The following GREB1 variants were observed in gnomAD, a reference collection of about 807,000 sequenced individuals.
GREB1 encodes growth regulating estrogen receptor binding 1, also known as protein GREB1.
GREB1 carries 106 observed loss-of-function variants against 200.7 expected under a neutral mutation model. The observed-to-expected ratio is 0.53, with a 90% CI of 0.45 to 0.62. The LOEUF is 0.62. GREB1 is among the 20% of genes least tolerant of loss of function. GREB1 has a pLI of 0.00. For missense variants in GREB1, 2,243 were observed against 2,556.8 expected, an observed-to-expected ratio of 0.88 and a Z score of 2.65; for synonymous variants, 1,132 against 1,092.4, an observed-to-expected ratio of 1.04 and a Z score of -0.72.
intron 30 of GREB1, among the ~76,000 whole-genome samples, chr2:11,636,038 C>T (rs1475675221): frequency 6.6e-6 from 1 of 152,214 alleles, no homozygotes; most frequent in Non-Finnish European, 1.5e-5. Context: ...GGCTCTATCC[C>T]TCCTTGTCTC....
chr2:11,570,309 T>A (rs1357220925), intron 4 of GREB1, among the ~76,000 whole-genome samples: 2 of 151,188 alleles, frequency 1.3e-5, no homozygotes. Flanking sequence ...CTCGGGAGGC[T>A]GAGACAGGAA....
chr2:11,485,628 A>C (rs1468858440), intron 1 of GREB1, among the ~76,000 whole-genome samples: 1 of 152,138 alleles, frequency 6.6e-6, no homozygotes, highest in Non-Finnish European at 1.5e-5. Flanking sequence ...AATAGGAGAG[A>C]TTTTGATCTC....
chr2:11,538,681 CTTTCT>C (rs1558510951), intron 1 of GREB1, among the ~76,000 whole-genome samples: 17 of 54,020 alleles, frequency 3.1e-4, no homozygotes, highest in East Asian at 1.3e-3. Context: ...TTCTTTCTTT[CTTTCT>C]TTCCTTCCTC....
chr2:11,519,937 A>G (rs1269671544), intron 1 of GREB1, among the ~76,000 whole-genome samples: 1 of 152,174 alleles, frequency 6.6e-6, no homozygotes, highest in Non-Finnish European at 1.5e-5. Flanking sequence ...CAGGAGTTCA[A>G]GAGCAGCCTG....
intron 1 of GREB1, among the ~76,000 whole-genome samples, chr2:11,488,857 T>C (rs1436236251): frequency 7.3e-6 from 1 of 137,510 alleles, no homozygotes; most frequent in African/African-American, 2.7e-5. Context: ...CTGGGGCATA[T>C]GTAGGCAGTT....
intron 1 of GREB1, among the ~76,000 whole-genome samples, chr2:11,506,743 C>T (rs1673192143): frequency 6.6e-6 from 1 of 152,060 alleles, no homozygotes; most frequent in Non-Finnish European, 1.5e-5. Context: ...GCAGAATGAC[C>T]AGAGTTGGAG....
At chr2:11,601,863 A>G (rs1282160194) in intron 16 of GREB1, among the ~76,000 whole-genome samples, 1 of 152,258 alleles carries the variant, frequency 6.6e-6, no homozygotes, top group African/African-American at 2.4e-5. Context: ...TCGTGGAGCT[A>G]GGATATGACC....
rs756276351 is a variant in GREB1 at position 11,493,492 on chromosome 2, G to A, written c.-159+11111G>A. Among the ~76,000 whole-genome samples the A allele has an allele frequency of 1.6e-4, 25 of 152,114 alleles. No homozygotes were observed. Among genetic ancestry groups the A allele is most frequent in the Non-Finnish European group, 5.9e-5 (4 of 68,020 alleles). On this transcript the variant is annotated intron_variant, in intron 1 of 2. Coordinates refer to the GREB1 transcript ENST00000628795. The surrounding 1 kb of genome is among the most constrained non-coding windows in gnomAD (Gnocchi z 4.6). ...GGTGGTAATGACAGCAATGGGGAGC[G>A]ACTGTAAATACAGATGAAACTTCTC...
At position 11,582,821 on chromosome 2, in the gene GREB1, G is replaced by A. The variant is rs115980088; in HGVS notation, c.901+1989G>A. Among the ~76,000 whole-genome samples the A allele has an allele frequency of 5.6e-3, 848 of 152,348 alleles. 4 individuals are homozygous for A. The highest frequency in any genetic ancestry group is 0.018 in the African/African-American group (745 of 41,588). ...TCAAAATCAATTTTTAAGAAACTGC[G>A]TCTAATACCACATGGAGTTTACTGA... is the stretch of plus-strand genomic sequence containing the variant. On this transcript the variant is annotated intron_variant, in intron 7 of 32. Coordinates refer to ENST00000381486, the MANE Select transcript of GREB1 (RefSeq NM_014668.4).
At chr2:11,577,307 C>T (rs896901864) in intron 5 of GREB1, among the ~76,000 whole-genome samples, 1 of 152,160 alleles carries the variant, frequency 6.6e-6, no homozygotes, top group Admixed American at 6.5e-5. Context: ...CACAGGACGG[C>T]CCCGAGCACA....
rs143370174 is a variant in GREB1 at position 11,573,238 on chromosome 2, C to T, written c.455-3115C>T. 3.0e-3 allele frequency among the ~76,000 whole-genome samples: 463 copies of T among 152,288 alleles called. 5 individuals carry two copies. Among genetic ancestry groups the T allele is most frequent in the African/African-American group, 0.01 (429 of 41,554 alleles). ...GGCCAGCACACATAGCCGCCCAGGACGTGCTTGTTAAACAAATGCTACCTG... is the reference window on the plus strand; with the variant it reads ...GGCCAGCACACATAGCCGCCCAGGATGTGCTTGTTAAACAAATGCTACCTG... On this transcript the variant is annotated intron_variant, in intron 4 of 32. Transcript: ENST00000381486.
In GREB1 at chr2:11,524,457, G is replaced by C. The variant is rs1463315646; in HGVS notation, c.-158-32000G>C. 3.9e-5 allele frequency among the ~76,000 whole-genome samples: 6 copies of C among 152,288 alleles called. No individual in the cohort carries two copies. In the East Asian group the frequency reaches 1.2e-3, roughly 29 times the overall value. ...AAATGAAGTGGCATGTGAAATGCTG[G>C]CAAGAGTACCCTCTAAGGGAAATCT... is the stretch of plus-strand genomic sequence containing the variant. On this transcript the variant is annotated intron_variant, in intron 1 of 2. Transcript: ENST00000628795.
At chr2:11,616,765 T>C (rs1683444337) in intron 21 of GREB1, 45 bp downstream of exon 21, 2 of 1,217,414 alleles carry the variant, frequency 1.6e-6, no homozygotes, top group Middle Eastern at 3.8e-4. Context: ...AGACTGATTT[T>C]TGAGGTTTCA....
intron 1 of GREB1, among the ~76,000 whole-genome samples, chr2:11,504,585 T>A (rs1673129644): frequency 6.6e-6 from 1 of 152,248 alleles, no homozygotes; most frequent in African/African-American, 2.4e-5. Flanking sequence ...TCTGTCTCTA[T>A]GGATTTTGCT....
chr2:11,588,595 C>T, intron 9 of GREB1, 151 bp from the exon 10 acceptor site: 1 of 751,972 alleles, frequency 1.3e-6, no homozygotes, highest in South Asian at 1.5e-5. Context: ...CAGGTGCACT[C>T]AATGAGCAAG....
At chr2:11,605,624 C>T (rs1428852724) in intron 17 of GREB1, among the ~76,000 whole-genome samples, 1 of 152,164 alleles carries the variant, frequency 6.6e-6, no homozygotes, top group African/African-American at 2.4e-5. Flanking sequence ...GTAATTCCTT[C>T]CTCCTGTCCT....
intron 1 of GREB1, among the ~76,000 whole-genome samples, chr2:11,554,092 A>G (rs1676198542): frequency 6.6e-6 from 1 of 152,210 alleles, no homozygotes; most frequent in Admixed American, 6.5e-5. Flanking sequence ...GTCACATATT[A>G]AAGTCTGCCA....
At chr2:11,512,430 A>C (rs539860655) in intron 1 of GREB1, among the ~76,000 whole-genome samples, 4 of 152,246 alleles carry the variant, frequency 2.6e-5, no homozygotes, top group Non-Finnish European at 4.4e-5. Context: ...ACTATGTGCT[A>C]TGCCCTGTGT....
intron 32 of GREB1, among the ~76,000 whole-genome samples, chr2:11,639,919 G>A (rs1685683993): frequency 6.6e-6 from 1 of 152,066 alleles, no homozygotes; most frequent in Non-Finnish European, 1.5e-5. Flanking sequence ...TGGATGGGTG[G>A]CAGAAGAGGG....
Sources: gnomAD v4.1 joint callset for allele counts (sites outside exome capture counted in the v4.1 genomes callset) on GRCh38, gnomAD v4.1.1 for gene constraint, Gnocchi (gnomAD v3.1) non-coding constraint, MANE v1.5 for transcripts, NCBI Gene and HGNC (gene_info 2026-07-23, HGNC 2026-07-21) for gene names.